TGFB2: variants seen among roughly 807,000 people sequenced by gnomAD.
TGFB2 encodes transforming growth factor beta 2.
Under a neutral mutation model 42.7 loss-of-function variants are expected in TGFB2, and 13 were observed. The observed-to-expected ratio is 0.30, with a 90% CI of 0.20 to 0.48. The LOEUF (loss-of-function observed/expected upper bound fraction) is 0.48. Among genes scored for constraint, TGFB2 ranks in the 20% least tolerant of loss-of-function variants. The pLI, the probability that TGFB2 is intolerant of heterozygous loss-of-function variation, is 0.99. For synonymous variants in TGFB2, 193 were observed against 193.6 expected (o/e 1.00, Z 0.03); for missense variants, 390 against 517.5 (o/e 0.75, Z 2.39).
At chr1:218,406,943 A>G (rs1290945542) in intron 2 of TGFB2, among the ~76,000 whole-genome samples, 3 of 152,250 alleles carry the variant, frequency 2.0e-5, no homozygotes, top group African/African-American at 7.2e-5. Context: ...ATCTATGTGC[A>G]GAAACCGCTA....
Position 218,441,228 on chromosome 1 carries a change from A to G in TGFB2, c.1111A>G (p.Asn371Asp). Residue 371 changes from asparagine to aspartate, a missense_variant, in exon 7 of 7, where the codon AAT becomes GAT. Coordinates refer to ENST00000366930, the MANE Select transcript of TGFB2 (RefSeq NM_003238.6). The stretch of plus-strand genomic sequence containing the variant: ...GGTCCTGAGCTTATATAATACCATA[A>G]ATCCAGAAGCATCTGCTTCTCCTTG... ...SRVLSLYNTI[N>D]PEASASPCCV... The G allele has an allele frequency of 6.2e-7, 1 of 1,613,290 alleles. No homozygotes were observed. The highest frequency in any genetic ancestry group is 8.5e-7 in the Non-Finnish European group (1 of 1,179,812).
At position 218,402,683 on chromosome 1, in the gene TGFB2, T is replaced by C. The variant is rs11466393; in HGVS notation, c.347-2486T>C. Among the ~76,000 whole-genome samples, 982 of 152,334 alleles carry C rather than the reference T, an allele frequency of 6.4e-3. 9 individuals are homozygous for C. The highest frequency in any genetic ancestry group is 0.022 in the African/African-American group (900 of 41,582). On this transcript the variant is annotated intron_variant, in intron 1 of 6. Coordinates refer to ENST00000366930, the MANE Select transcript of TGFB2 (RefSeq NM_003238.6). ...GGTGTTTGTGAAAGTGGAAGAGGCC[T>C]GCAGGGATTCCACTGAAAGAGGCGG...
At chr1:218,430,283 T>A (rs1289896655) in intron 2 of TGFB2, among the ~76,000 whole-genome samples, 2 of 151,804 alleles carry the variant, frequency 1.3e-5, no homozygotes, top group Non-Finnish European at 2.9e-5. Flanking sequence ...TAGTCCCAGC[T>A]ACTCCGGAGT....
chr1:218,434,515 A>G, intron 4 of TGFB2, 67 bp downstream of exon 4: 1 of 1,024,116 alleles, frequency 9.8e-7, no homozygotes, highest in African/African-American at 1.6e-5. Flanking sequence ...CATGGGGGAT[A>G]AAATCAGTTT....
intron 1 of TGFB2, among the ~76,000 whole-genome samples, chr1:218,348,198 T>C (rs922681617): frequency 6.6e-6 from 1 of 152,118 alleles, no homozygotes; most frequent in South Asian, 2.1e-4. Flanking sequence ...TCAACATTTG[T>C]GTATTCCAAA....
At chr1:218,435,443 C>T (rs1374529961) in intron 4 of TGFB2, among the ~76,000 whole-genome samples, 1 of 152,188 alleles carries the variant, frequency 6.6e-6, no homozygotes, top group Non-Finnish European at 1.5e-5. Context: ...TTCTTCACAG[C>T]TTCCCAAAAT....
chr1:218,368,992 C>T (rs528400854), intron 1 of TGFB2, among the ~76,000 whole-genome samples: 3 of 152,072 alleles, frequency 2.0e-5, no homozygotes, highest in Non-Finnish European at 2.9e-5. Flanking sequence ...CACGGTGGCT[C>T]ATGTCTGTAA....
chr1:218,348,624 G>A (rs895199457), intron 1 of TGFB2, among the ~76,000 whole-genome samples: 1 of 152,200 alleles, frequency 6.6e-6, no homozygotes, highest in Non-Finnish European at 1.5e-5. Flanking sequence ...TCCACCCCTG[G>A]TTATCCCCTT....
chr1:218,441,215 A>T lies in TGFB2; in HGVS notation c.1098A>T (p.Leu366Phe). The stretch of plus-strand genomic sequence containing the variant: ...CTGTGTCCTTTCAGGTCCTGAGCTT[A>T]TATAATACCATAAATCCAGAAGCAT... ...SDTQHSRVLS[L>F]YNTINPEASA... Residue 366 changes from leucine (L) to phenylalanine (F), a missense_variant, in exon 7 of 7, where the codon TTA becomes TTT. Leu to Phe is a conservative substitution (Grantham distance 22). Transcript: ENST00000366930. 1 of 1,612,338 alleles carries T rather than the reference A, an allele frequency of 6.2e-7. No individual in the cohort carries two copies. Among genetic ancestry groups the T allele is most frequent in the South Asian group, 1.1e-5 (1 of 90,504 alleles).
At chr1:218,397,826 T>C (rs1334876395) in intron 1 of TGFB2, among the ~76,000 whole-genome samples, 5 of 152,214 alleles carry the variant, frequency 3.3e-5, no homozygotes, top group Non-Finnish European at 7.3e-5. Flanking sequence ...GGGGACTAGC[T>C]TGGACTTGAT....
At chr1:218,412,754 T>C (rs1271555162) in intron 2 of TGFB2, among the ~76,000 whole-genome samples, 2 of 152,234 alleles carry the variant, frequency 1.3e-5, no homozygotes, top group Non-Finnish European at 2.9e-5. Context: ...TTGACTTCTA[T>C]GTCTTTGATT....
At chr1:218,439,445 T>C (rs1267416198) in intron 6 of TGFB2, among the ~76,000 whole-genome samples, 1 of 152,232 alleles carries the variant, frequency 6.6e-6, no homozygotes, top group Non-Finnish European at 1.5e-5. Context: ...TCAATTATTT[T>C]AGACAATCTG....
At chr1:218,360,772 G>A (rs926868699) in intron 1 of TGFB2, among the ~76,000 whole-genome samples, 22 of 152,118 alleles carry the variant, frequency 1.4e-4, no homozygotes, top group Admixed American at 3.9e-4. Context: ...AAGCCTTTTC[G>A]CATATATCCA....
At chr1:218,393,469 T>G (rs1658384713) in intron 1 of TGFB2, among the ~76,000 whole-genome samples, 2 of 152,230 alleles carry the variant, frequency 1.3e-5, no homozygotes, top group Admixed American at 1.3e-4. Flanking sequence ...GCCGGCTTCC[T>G]TCTACTGATC....
At chr1:218,353,235 G>GAT (rs1396854049) in intron 1 of TGFB2, among the ~76,000 whole-genome samples, 1 of 152,122 alleles carries the variant, frequency 6.6e-6, no homozygotes, top group Non-Finnish European at 1.5e-5. Context: ...TTTCCTTTGC[G>GAT]ATAGTTCCAC....
At chr1:218,349,091 C>A (rs1159636968) in intron 1 of TGFB2, among the ~76,000 whole-genome samples, 1 of 152,108 alleles carries the variant, frequency 6.6e-6, no homozygotes, top group Non-Finnish European at 1.5e-5. Context: ...TTCTCCTTTC[C>A]ATTTCACCCC....
intron 2 of TGFB2, among the ~76,000 whole-genome samples, chr1:218,427,516 G>A (rs966315158): frequency 2.0e-5 from 3 of 152,082 alleles, no homozygotes; most frequent in Non-Finnish European, 2.9e-5. Context: ...CCCAGTGTGT[G>A]ATGTTCCCCT....
chr1:218,381,719 T>C (rs1009954932), intron 1 of TGFB2, among the ~76,000 whole-genome samples: 8 of 152,206 alleles, frequency 5.3e-5, no homozygotes, highest in African/African-American at 1.9e-4. Flanking sequence ...TTTTCTGCGA[T>C]GTTCCTAAAA....
chr1:218,400,093 G>A lies in TGFB2; in HGVS notation c.347-5076G>A, dbSNP rs945034238. On this transcript the variant is annotated intron_variant, in intron 1 of 6. Transcript: ENST00000366930. ...AACCAGTTCATTCTTAACTGGATTA[G>A]AATTCAGATAGCCTTGAAGGTCCTT... Among the ~76,000 whole-genome samples the A allele has an allele frequency of 3.0e-4, 45 of 152,022 alleles. 1 individual carries two copies. Among genetic ancestry groups the A allele is most frequent in the South Asian group, 4.2e-4 (2 of 4,816 alleles).
Sources: allele counts gnomAD v4.1 joint callset (sites outside exome capture counted in the v4.1 genomes callset), GRCh38; gene constraint gnomAD v4.1.1; transcripts MANE v1.5; gene names NCBI Gene and HGNC (gene_info 2026-07-23, HGNC 2026-07-21).